Variants in DCDC1 observed in about 807,000 individuals in gnomAD.
DCDC1 encodes doublecortin domain containing 1, also known as doublecortin domain-containing protein 1.
In DCDC1, 200 loss-of-function variants were observed where a neutral mutation model predicts 178.3. The observed-to-expected ratio is 1.12, with a 90% CI of 1.00 to 1.26. The LOEUF is 1.26. Ranked by LOEUF, DCDC1 falls within the 50% of genes most tolerant of loss-of-function variation. DCDC1 has a pLI of 0.00. For missense variants in DCDC1, 1,983 were observed against 1,749.2 expected (o/e 1.13, Z -2.38); for synonymous variants, 690 against 604.8 (o/e 1.14, Z -2.07).
At chr11:31,296,241 G>A (rs1402705923) in intron 6 of DCDC1, among the ~76,000 whole-genome samples, 2 of 152,178 alleles carry the variant, frequency 1.3e-5, no homozygotes, top group African/African-American at 4.8e-5. Flanking sequence ...TAACAGAAGA[G>A]TTTACAATCT....
chr11:31,212,164 T>G (rs1190565651), intron 9 of DCDC1, among the ~76,000 whole-genome samples: 2 of 151,776 alleles, frequency 1.3e-5, no homozygotes, highest in East Asian at 3.9e-4. Context: ...TTAAATTTTA[T>G]AGTAGTAATA....
intron 9 of DCDC1, among the ~76,000 whole-genome samples, chr11:31,199,831 T>C (rs927321734): frequency 8.5e-5 from 13 of 152,120 alleles, no homozygotes; most frequent in African/African-American, 2.9e-4. Context: ...GGATTGAAAA[T>C]TAAATTTTGT....
chr11:30,914,632 CAAAAAAAAAAA>C (rs11355322), intron 27 of DCDC1, among the ~76,000 whole-genome samples: 3 of 100,868 alleles, frequency 3.0e-5, no homozygotes, highest in Admixed American at 1.0e-4. Context: ...CATATGCACC[CAAAAAAAAAAA>C]AAAAAAAAAA....
intron 3 of DCDC1, among the ~76,000 whole-genome samples, chr11:31,322,996 T>A (rs932432628): frequency 6.6e-6 from 1 of 152,234 alleles, no homozygotes; most frequent in Non-Finnish European, 1.5e-5. Context: ...TTACTAATGT[T>A]GAATTAATTT....
intron 10 of DCDC1, among the ~76,000 whole-genome samples, chr11:31,129,588 C>G (rs1962157596): frequency 1.3e-5 from 2 of 152,114 alleles, no homozygotes; most frequent in South Asian, 4.1e-4. Flanking sequence ...TAATAAGCTG[C>G]AGGCTAGATT....
intron 1 of DCDC1, among the ~76,000 whole-genome samples, chr11:31,356,659 G>A (rs1951386191): frequency 6.6e-6 from 1 of 150,494 alleles, no homozygotes; most frequent in South Asian, 2.1e-4. Flanking sequence ...CTGGTTTTTT[G>A]AAAGGATCAA....
chr11:31,292,360 A>C (rs1422076897), intron 6 of DCDC1, among the ~76,000 whole-genome samples: 1 of 152,178 alleles, frequency 6.6e-6, no homozygotes, highest in Non-Finnish European at 1.5e-5. Context: ...GTGGTAACCA[A>C]ATGTCCATCA....
intron 3 of DCDC1, chr11:31,314,521 A>G (rs1948948497): frequency 6.6e-6 from 1 of 152,236 alleles, no homozygotes; most frequent in Non-Finnish European, 1.5e-5. Context: ...ACAGAGCTGA[A>G]ATCAAGGTGT....
chr11:30,881,007 T>C, intron 37 of DCDC1, 151 bp downstream of exon 37: 1 of 862,728 alleles, frequency 1.2e-6, no homozygotes, highest in South Asian at 1.9e-5. Flanking sequence ...AGCACATAAA[T>C]ATATAAATTT....
chr11:30,916,980 A>G lies in DCDC1; in HGVS notation c.3342T>C (p.Leu1114=). 6.2e-7 allele frequency: 1 copy of G among 1,611,046 alleles called. No individual in the cohort carries two copies. The highest frequency in any genetic ancestry group is 8.5e-7 in the Non-Finnish European group (1 of 1,178,556). Residue 1114 remains leucine (L), a synonymous_variant, in exon 26 of 39, where the codon CTT becomes CTC. Coordinates refer to ENST00000684477, the MANE Select transcript of DCDC1 (RefSeq NM_001387274.1). ...AAGTTTCCTGCCAGGCATACCTGGG[A>G]AGTGTGTGACAAGCCTTCATTCGAA... is the stretch of plus-strand genomic sequence containing the variant. The part of the protein sequence containing the change: ...AHLRMKACHT[L]PRYAWQETSH...
At chr11:31,147,690 G>A (rs894211886) in intron 9 of DCDC1, among the ~76,000 whole-genome samples, 5 of 152,188 alleles carry the variant, frequency 3.3e-5, no homozygotes, top group African/African-American at 4.8e-5. Flanking sequence ...GAGGACATAT[G>A]TGACATATCT....
At chr11:30,926,763 A>G (rs1946617098) in intron 22 of DCDC1, among the ~76,000 whole-genome samples, 1 of 152,216 alleles carries the variant, frequency 6.6e-6, no homozygotes, top group African/African-American at 2.4e-5. Context: ...GCAATTAAAC[A>G]GATAATCAGG....
In DCDC1 at chr11:31,118,868, T is replaced by C. The variant is rs1487872594; in HGVS notation, c.1486-8507A>G. Among the ~76,000 whole-genome samples, 4 of 152,184 alleles carry C rather than the reference T, an allele frequency of 2.6e-5. No homozygotes were observed. The East Asian group carries it at 5.8e-4, about 22-fold the overall frequency. On this transcript the variant is annotated intron_variant, in intron 11 of 38. Transcript: ENST00000684477. The stretch of plus-strand genomic sequence containing the variant: ...CATGGGAGCTAATGCCCAGACCAAT[T>C]GCTCTTCCCTGATTTTGATACAGAC...
At chr11:31,343,773 A>G (rs778422304) in intron 1 of DCDC1, among the ~76,000 whole-genome samples, 10 of 152,118 alleles carry the variant, frequency 6.6e-5, no homozygotes, top group Non-Finnish European at 1.2e-4. Context: ...ACAAAAAATT[A>G]GCTGGGGGTG....
At chr11:30,886,754 AT>A (rs375569160) in intron 36 of DCDC1, among the ~76,000 whole-genome samples, 4,222 of 146,914 alleles carry the variant, frequency 0.029, 141 homozygotes, top group African/African-American at 0.089. Flanking sequence ...AGCAGTCACT[AT>A]TTTTTTTTTT....
chr11:31,322,793 AT>A (rs1165216130), intron 3 of DCDC1, among the ~76,000 whole-genome samples: 1 of 152,140 alleles, frequency 6.6e-6, no homozygotes, highest in Non-Finnish European at 1.5e-5. Context: ...CTCTCTCTGA[AT>A]TCTTCTTATG....
chr11:31,159,598 A>G (rs900679835), intron 9 of DCDC1, among the ~76,000 whole-genome samples: 5 of 152,252 alleles, frequency 3.3e-5, no homozygotes, highest in African/African-American at 1.2e-4. Flanking sequence ...GATATTCACG[A>G]TGCAGGCAGT....
At chr11:30,999,071 A>G (rs1256902183) in intron 20 of DCDC1, among the ~76,000 whole-genome samples, 1 of 152,202 alleles carries the variant, frequency 6.6e-6, no homozygotes, top group Non-Finnish European at 1.5e-5. Context: ...TCTAAAAAAT[A>G]TCTGGCCACT....
chr11:30,947,941 T>C (rs163875), intron 21 of DCDC1, among the ~76,000 whole-genome samples: 89,264 of 151,932 alleles, frequency 0.59, 26,906 homozygotes, highest in African/African-American at 0.69. Flanking sequence ...AAAACTGGCA[T>C]GAGACAAGTA....
Sources: gnomAD v4.1 joint callset for allele counts (sites outside exome capture counted in the v4.1 genomes callset) on GRCh38, gnomAD v4.1.1 for gene constraint, MANE v1.5 for transcripts, NCBI Gene and HGNC (gene_info 2026-07-23, HGNC 2026-07-21) for gene names.